The following PCDH15 variants were observed in gnomAD, a reference collection of about 807,000 sequenced individuals.
The protein encoded by PCDH15 is protocadherin related 15, also known as protocadherin-15.
Under a neutral mutation model 178.5 loss-of-function variants are expected in PCDH15, and 129 were observed. That is an observed-to-expected ratio of 0.72 (90% CI 0.63 to 0.84). PCDH15 has a LOEUF of 0.84. Ranked by LOEUF, PCDH15 falls within the 40% of genes least tolerant of loss-of-function variation. PCDH15 has a pLI of 0.00. For missense variants in PCDH15, 2,230 were observed against 2,099.9 expected (o/e 1.06, Z -1.21); for synonymous variants, 800 against 732.0 (o/e 1.09, Z -1.50).
chr10:55,189,897 A>C (rs1038621598), intron 1 of PCDH15, among the ~76,000 whole-genome samples: 1 of 151,878 alleles, frequency 6.6e-6, no homozygotes, highest in East Asian at 1.9e-4. Context: ...CCCATGACCC[A>C]GAAATTATTA....
At chr10:54,758,265 A>G (rs529831261) in intron 1 of PCDH15, among the ~76,000 whole-genome samples, 32 of 152,280 alleles carry the variant, frequency 2.1e-4, no homozygotes, top group Admixed American at 7.2e-4. Context: ...AATTCAGTAG[A>G]AATGTTTCAT....
chr10:54,254,736 A>G (rs1195484815), intron 8 of PCDH15, among the ~76,000 whole-genome samples: 2 of 152,202 alleles, frequency 1.3e-5, no homozygotes, highest in Non-Finnish European at 1.5e-5. Context: ...TTGTCCTTGT[A>G]GTAGAGGTGA....
At chr10:54,519,418 A>G (rs1348619857) in intron 3 of PCDH15, among the ~76,000 whole-genome samples, 1 of 151,702 alleles carries the variant, frequency 6.6e-6, no homozygotes, top group African/African-American at 2.4e-5. Context: ...TACACCAATA[A>G]CAGACAAACA....
intron 3 of PCDH15, among the ~76,000 whole-genome samples, chr10:54,388,870 T>C (rs1220735419): frequency 2.0e-5 from 3 of 152,144 alleles, no homozygotes; most frequent in African/African-American, 7.2e-5. Context: ...TCCTCCATGA[T>C]AAAAGTGGGT....
At chr10:55,393,858 A>C (rs1449814735) in intron 2 of PCDH15, among the ~76,000 whole-genome samples, 1 of 152,178 alleles carries the variant, frequency 6.6e-6, no homozygotes, top group Admixed American at 6.6e-5. Flanking sequence ...TCACATTTTA[A>C]AGTAAGAGCC....
At chr10:54,753,500 C>G (rs958328937) in intron 1 of PCDH15, among the ~76,000 whole-genome samples, 1 of 151,430 alleles carries the variant, frequency 6.6e-6, no homozygotes, top group Non-Finnish European at 1.5e-5. Flanking sequence ...GAATTAAAAA[C>G]AAACAAACAA....
At chr10:54,643,421 T>C (rs2094040769) in intron 2 of PCDH15, among the ~76,000 whole-genome samples, 1 of 152,332 alleles carries the variant, frequency 6.6e-6, no homozygotes, top group East Asian at 1.9e-4. Context: ...ATAATGAAAG[T>C]TAATAATAGA....
At chr10:55,434,077 C>CTTTTTTTTTTTTTTT (rs60921527) in intron 2 of PCDH15, among the ~76,000 whole-genome samples, 14 of 90,824 alleles carry the variant, frequency 1.5e-4, no homozygotes, top group East Asian at 3.6e-4. Flanking sequence ...CTTTTCTTTT[C>CTTTTTTTTTTTTTTT]TTTTTTTTTT....
intron 2 of PCDH15, among the ~76,000 whole-genome samples, chr10:55,133,810 T>C (rs1838118616): frequency 6.6e-6 from 1 of 152,038 alleles, no homozygotes; most frequent in Admixed American, 6.6e-5. Flanking sequence ...ATCTAACACA[T>C]AAAGAAATCC....
chr10:53,992,556 T>A (rs1409471725), intron 21 of PCDH15, among the ~76,000 whole-genome samples: 1 of 152,194 alleles, frequency 6.6e-6, no homozygotes, highest in Non-Finnish European at 1.5e-5. Context: ...GTTCACATAC[T>A]CACAAAAGAC....
chr10:55,562,274 CA>C (rs1375607500), intron 2 of PCDH15, among the ~76,000 whole-genome samples: 3 of 151,896 alleles, frequency 2.0e-5, no homozygotes, highest in African/African-American at 7.2e-5. Flanking sequence ...ATACACTGTT[CA>C]TCAGTGAAAT....
chr10:55,023,665 C>T (rs1293249897), intron 2 of PCDH15, among the ~76,000 whole-genome samples: 1 of 151,924 alleles, frequency 6.6e-6, no homozygotes, highest in Admixed American at 6.6e-5. Context: ...TGTTTCCTGC[C>T]TTCTTAAAAT....
chr10:55,442,368 CT>C (rs527792011), intron 2 of PCDH15, among the ~76,000 whole-genome samples: 6,607 of 138,118 alleles, frequency 0.048, 196 homozygotes, highest in Non-Finnish European at 0.064. Flanking sequence ...TCATGTGTTC[CT>C]TTTTTTTTTA....
At chr10:54,384,028 T>A (rs1171593853) in intron 3 of PCDH15, among the ~76,000 whole-genome samples, 1 of 148,682 alleles carries the variant, frequency 6.7e-6, no homozygotes, top group East Asian at 2.0e-4. Context: ...GAGATGGGGT[T>A]CCGCCATGTT....
At chr10:55,621,092 T>C (rs1664412938) in intron 2 of PCDH15, among the ~76,000 whole-genome samples, 1 of 151,956 alleles carries the variant, frequency 6.6e-6, no homozygotes, top group South Asian at 2.1e-4. Flanking sequence ...AAATTATTAA[T>C]CACAACATTG....
chr10:55,504,288 C>T (rs1013069134), intron 2 of PCDH15, among the ~76,000 whole-genome samples: 2 of 151,298 alleles, frequency 1.3e-5, no homozygotes, highest in South Asian at 2.1e-4. Flanking sequence ...GCAGGTGTTA[C>T]ATGAGAAATC....
chr10:54,907,051 C>G (rs897747765), intron 2 of PCDH15, among the ~76,000 whole-genome samples: 1 of 152,120 alleles, frequency 6.6e-6, no homozygotes, highest in Non-Finnish European at 1.5e-5. Flanking sequence ...TGCACCATCA[C>G]TCTGCATTTT....
chr10:54,734,147 G>GA (rs552615704), intron 1 of PCDH15, among the ~76,000 whole-genome samples: 77 of 151,796 alleles, frequency 5.1e-4, no homozygotes, highest in African/African-American at 1.9e-3. Context: ...TCAAAGATTA[G>GA]AAAAAATATG....
chr10:53,936,702 T>G (rs2085606478), intron 25 of PCDH15, among the ~76,000 whole-genome samples: 1 of 152,144 alleles, frequency 6.6e-6, no homozygotes. Context: ...GGTTGCACAA[T>G]TTACTTTGAA....
Sources: gnomAD v4.1 joint callset for allele counts (sites outside exome capture counted in the v4.1 genomes callset) on GRCh38, gnomAD v4.1.1 for gene constraint, MANE v1.5 for transcripts, NCBI Gene and HGNC (gene_info 2026-07-23, HGNC 2026-07-21) for gene names.